Variants in TBC1D9 observed in about 807,000 individuals in gnomAD.
TBC1D9 encodes the protein TBC1 domain family member 9A.
TBC1D9 carries 63 observed loss-of-function variants against 132.0 expected under a neutral mutation model. The ratio of observed to expected loss-of-function variants is 0.48; its 90% CI spans 0.39 to 0.59. The LOEUF (loss-of-function observed/expected upper bound fraction) is 0.59, where lower values mean the gene tolerates loss of function less well. Ranked by LOEUF, TBC1D9 falls within the 20% of genes least tolerant of loss-of-function variation. TBC1D9 has a pLI of 0.00. For missense variants in TBC1D9, 1,261 were observed against 1,592.7 expected (o/e 0.79, Z 3.54); for synonymous variants, 610 against 609.9 (o/e 1.00, Z 0.00).
intron 1 of TBC1D9, among the ~76,000 whole-genome samples, chr4:140,746,375 T>C (rs1381208304): frequency 6.6e-6 from 1 of 152,170 alleles, no homozygotes; most frequent in East Asian, 1.9e-4. Flanking sequence ...TAAAATTGCA[T>C]GCAATTTTTT....
chr4:140,711,695 T>C (rs999478416), intron 1 of TBC1D9, among the ~76,000 whole-genome samples: 1 of 152,214 alleles, frequency 6.6e-6, no homozygotes, highest in Non-Finnish European at 1.5e-5. Context: ...TATGTAGACA[T>C]TTAAAATCAT....
intron 7 of TBC1D9, among the ~76,000 whole-genome samples, chr4:140,670,276 T>C (rs1737515166): frequency 6.6e-6 from 1 of 152,228 alleles, no homozygotes; most frequent in Admixed American, 6.5e-5. Context: ...ACCATTCAGA[T>C]AGTCACCTAT....
rs1267151333 is a variant in TBC1D9, at chr4:140,701,602, C to T, written c.143G>A (p.Gly48Asp). ...GGAGTCCAACACAACATCAAGGGTA[C>T]CCACCAGCAGGCCTGAGGGTGGAAA... ...GGGGLAGLLV[G>D]TLDVVLDSSA... The change falls in exon 2 of 21, where the codon GGT becomes GAT. Residue 48 changes from glycine to aspartate, a missense_variant. Around this residue, in one of 3 missense-constraint regions of TBC1D9, gnomAD observed 550 missense variants for 699.0 expected, o/e 0.79. Transcript: ENST00000442267. 4.3e-6 allele frequency: 7 copies of T among 1,613,680 alleles called. No individual in the cohort carries two copies. The highest frequency in any genetic ancestry group is 5.9e-6 in the Non-Finnish European group (7 of 1,179,770).
chr4:140,751,758 G>A (rs1472366789), intron 1 of TBC1D9, among the ~76,000 whole-genome samples: 1 of 152,052 alleles, frequency 6.6e-6, no homozygotes, highest in Non-Finnish European at 1.5e-5. Flanking sequence ...AAGACAATCC[G>A]GTTGAAAAAT....
Position 140,752,920 on chromosome 4 carries a change from G to A in TBC1D9, c.130+2996C>T, listed in dbSNP as rs76369759. ...CCTACTCATCTGTCATCTATTTGCTGGGTGTACACATGTACACTGATCCAG... is the reference window on the plus strand; with the variant it reads ...CCTACTCATCTGTCATCTATTTGCTAGGTGTACACATGTACACTGATCCAG... On this transcript the variant is annotated intron_variant, in intron 1 of 20. Coordinates refer to ENST00000442267, the MANE Select transcript of TBC1D9 (RefSeq NM_015130.3). Among the ~76,000 whole-genome samples, 404 of 152,156 alleles carry A rather than the reference G, an allele frequency of 2.7e-3. 5 individuals carry two copies. The East Asian group carries it at 0.045, about 17-fold the overall frequency.
intron 1 of TBC1D9, among the ~76,000 whole-genome samples, chr4:140,749,771 A>C (rs1405448412): frequency 6.6e-6 from 1 of 152,206 alleles, no homozygotes; most frequent in Admixed American, 6.5e-5. Flanking sequence ...TGAAAGTGAA[A>C]GTATGAAAAA....
intron 13 of TBC1D9, chr4:140,642,834 GGGCTCTCGGGGGCGT>G: frequency 1.7e-6 from 1 of 589,196 alleles, no homozygotes; most frequent in Non-Finnish European, 3.0e-6. Context: ...GCGGGCGACA[GGGCTCTCGGGGGCGT>G]GGGTCTGTTT....
Position 140,668,963 on chromosome 4 carries a change from C to T in TBC1D9, c.1542G>A (p.Lys514=). ...CCCCACGCATGCTCTCCGGGATGCCCTTCAACACCAGCTCCCGCGTTTTCT... is the reference window on the plus strand; with the variant it reads ...CCCCACGCATGCTCTCCGGGATGCCTTTCAACACCAGCTCCCGCGTTTTCT... ...RTEKTRELVL[K]GIPESMRGEL... The change falls in exon 9 of 21, where the codon AAG becomes AAA. Residue 514 remains lysine, a synonymous_variant. Coordinates refer to ENST00000442267, the MANE Select transcript of TBC1D9 (RefSeq NM_015130.3). The T allele has an allele frequency of 6.2e-7, 1 of 1,613,974 alleles. No homozygotes were observed. Among genetic ancestry groups the T allele is most frequent in the Non-Finnish European group, 8.5e-7 (1 of 1,179,876 alleles).
intron 3 of TBC1D9, among the ~76,000 whole-genome samples, chr4:140,682,190 T>G (rs1737713739): frequency 6.6e-6 from 1 of 152,142 alleles, no homozygotes; most frequent in African/African-American, 2.4e-5. Flanking sequence ...AGGTACCAAG[T>G]TGCTAACTTC....
At chr4:140,702,504 G>A (rs111844210) in intron 1 of TBC1D9, among the ~76,000 whole-genome samples, 3,309 of 152,204 alleles carry the variant, frequency 0.022, 113 homozygotes, top group African/African-American at 0.075. Flanking sequence ...CAGATGACCC[G>A]GCTGAGGCAC....
intron 1 of TBC1D9, among the ~76,000 whole-genome samples, chr4:140,715,101 G>A (rs1738313467): frequency 6.6e-6 from 1 of 152,138 alleles, no homozygotes; most frequent in South Asian, 2.1e-4. Flanking sequence ...TCCAACCTGG[G>A]TGACAGAGTG....
intron 1 of TBC1D9, among the ~76,000 whole-genome samples, chr4:140,725,340 T>C (rs1738482174): frequency 6.6e-6 from 1 of 152,122 alleles, no homozygotes; most frequent in East Asian, 1.9e-4. Flanking sequence ...CCCTGTATGG[T>C]CTATGCACCT....
chr4:140,637,200 A>G (rs113085236), intron 15 of TBC1D9, among the ~76,000 whole-genome samples: 7,480 of 152,128 alleles, frequency 0.049, 612 homozygotes, highest in African/African-American at 0.17. Flanking sequence ...AAATACAAAA[A>G]TCAGCCAGGC....
At chr4:140,629,244 C>G (rs969305340) in intron 16 of TBC1D9, among the ~76,000 whole-genome samples, 1 of 152,176 alleles carries the variant, frequency 6.6e-6, no homozygotes, top group Non-Finnish European at 1.5e-5. Context: ...ACTGAAAGTT[C>G]TTCTGTAATT....
intron 13 of TBC1D9, chr4:140,644,904 C>A (rs1737077821): frequency 6.8e-6 from 3 of 444,024 alleles, no homozygotes; most frequent in Admixed American, 6.7e-5. Flanking sequence ...GCAGGGAGCC[C>A]CCAGGCTGGG....
At chr4:140,641,244 C>A (rs1420046159) in intron 13 of TBC1D9, among the ~76,000 whole-genome samples, 2 of 152,066 alleles carry the variant, frequency 1.3e-5, no homozygotes, top group Non-Finnish European at 2.9e-5. Context: ...ATGAAAGGGG[C>A]ACAAGGGGCA....
intron 1 of TBC1D9, among the ~76,000 whole-genome samples, chr4:140,741,686 C>G (rs1418845545): frequency 6.6e-6 from 1 of 152,184 alleles, no homozygotes; most frequent in African/African-American, 2.4e-5. Flanking sequence ...CCAATGCACT[C>G]TAGCCTAGGC....
intron 3 of TBC1D9, among the ~76,000 whole-genome samples, chr4:140,682,927 C>T (rs1737727914): frequency 6.6e-6 from 1 of 152,174 alleles, no homozygotes; most frequent in Admixed American, 6.5e-5. Flanking sequence ...GCTCTTGTTG[C>T]CCAGGCTGGA....
chr4:140,700,091 G>A (rs1304081106), intron 2 of TBC1D9, among the ~76,000 whole-genome samples: 2 of 151,896 alleles, frequency 1.3e-5, no homozygotes, highest in African/African-American at 2.4e-5. Context: ...GAGCCCAGGA[G>A]TTCAAGACTA....
Sources: allele counts gnomAD v4.1 joint callset (sites outside exome capture counted in the v4.1 genomes callset), GRCh38; gene constraint gnomAD v4.1.1; regional missense constraint gnomAD v4.1.1; transcripts MANE v1.5; gene names NCBI Gene and HGNC (gene_info 2026-07-23, HGNC 2026-07-21).